The following NMNAT2 variants were observed in gnomAD, a reference collection of about 807,000 sequenced individuals.
NMNAT2 encodes the protein nicotinamide nucleotide adenylyltransferase 2, also known as nicotinamide/nicotinic acid mononucleotide adenylyltransferase 2.
In NMNAT2, 11 loss-of-function variants were observed where a neutral mutation model predicts 41.6. The ratio of observed to expected loss-of-function variants is 0.26; its 90% confidence interval spans 0.17 to 0.44. The LOEUF is 0.44. Ranked by LOEUF, NMNAT2 falls within the 20% of genes least tolerant of loss-of-function variation. The pLI, the probability that NMNAT2 is intolerant of heterozygous loss-of-function variation, is 1.00. For missense variants in NMNAT2, 288 were observed against 407.7 expected, an observed-to-expected ratio of 0.71 and a Z score of 2.53; for synonymous variants, 148 against 151.2, an observed-to-expected ratio of 0.98 and a Z score of 0.16.
chr1:183,371,882 C>T (rs1207107149), intron 1 of NMNAT2, among the ~76,000 whole-genome samples: 1 of 152,110 alleles, frequency 6.6e-6, no homozygotes, highest in Non-Finnish European at 1.5e-5. Flanking sequence ...TGGGCTCAAG[C>T]AATCCTTCTG....
intron 10 of NMNAT2, among the ~76,000 whole-genome samples, chr1:183,260,656 T>TA (rs1660633328): frequency 6.6e-6 from 1 of 151,846 alleles, no homozygotes; most frequent in Non-Finnish European, 1.5e-5. Context: ...CCATCTCTAC[T>TA]AAAAATACAA....
intron 1 of NMNAT2, among the ~76,000 whole-genome samples, chr1:183,375,622 C>T (rs554872249): frequency 2.0e-5 from 3 of 152,344 alleles, no homozygotes; most frequent in East Asian, 3.8e-4. Context: ...TCCCCTATCT[C>T]CTGGAAGAAG....
chr1:183,343,662 T>G (rs577097766), intron 1 of NMNAT2, among the ~76,000 whole-genome samples: 117 of 152,292 alleles, frequency 7.7e-4, no homozygotes, highest in South Asian at 1.9e-3. Flanking sequence ...TTGCTACCTC[T>G]CTCTCCTAGA....
At chr1:183,293,671 A>G (rs1433349069) in intron 2 of NMNAT2, 34 bp downstream of exon 2, 1 of 1,473,682 alleles carries the variant, frequency 6.8e-7, no homozygotes, top group East Asian at 2.3e-5. Context: ...GGGGACGGGG[A>G]TTGAAGAGGA....
intron 1 of NMNAT2, among the ~76,000 whole-genome samples, chr1:183,362,842 T>C (rs1015435821): frequency 1.3e-5 from 2 of 152,246 alleles, no homozygotes; most frequent in African/African-American, 4.8e-5. Flanking sequence ...AACTGACAGA[T>C]TATTTTCCAA....
At chr1:183,306,938 G>A (rs1333502269) in intron 1 of NMNAT2, among the ~76,000 whole-genome samples, 1 of 152,078 alleles carries the variant, frequency 6.6e-6, no homozygotes, top group Non-Finnish European at 1.5e-5. Context: ...ACAGTATAAG[G>A]AGTTTAGCAC....
At position 183,278,574 on chromosome 1, in the gene NMNAT2, T is replaced by A. The variant is rs1661185442; in HGVS notation, c.630A>T (p.Pro210=). The A allele has an allele frequency of 4.3e-6, 7 of 1,613,306 alleles. No homozygotes were observed. The highest frequency in any genetic ancestry group is 1.3e-5 in the African/African-American group (1 of 74,888). ...TCACATCTGCCTCGTTCCAGAGCCCTGGGATGCAGAAGGACTCCAGCAGGT... is the reference window on the plus strand; with the variant it reads ...TCACATCTGCCTCGTTCCAGAGCCCAGGGATGCAGAAGGACTCCAGCAGGT... ...GSDLLESFCI[P]GLWNEADMEV... is the part of the protein sequence containing the mutation. Residue 210 remains proline (P), a synonymous_variant, in exon 8 of 11, where the codon CCA becomes CCT. Transcript: ENST00000287713.
At chr1:183,348,278 G>A (rs1026817203) in intron 1 of NMNAT2, among the ~76,000 whole-genome samples, 12 of 151,972 alleles carry the variant, frequency 7.9e-5, no homozygotes, top group Admixed American at 1.3e-4. Context: ...CTGTGCGTGC[G>A]TGCACGTGTC....
chr1:183,387,239 G>GT (rs35560352), intron 1 of NMNAT2, among the ~76,000 whole-genome samples: 60,371 of 143,710 alleles, frequency 0.42, 13,015 homozygotes, highest in East Asian at 0.66. Flanking sequence ...AGATCCCTGT[G>GT]TTTTTTTTTT....
At position 183,288,557 on chromosome 1, in the gene NMNAT2, C is replaced by T. The variant is rs145897805; in HGVS notation, c.321+1571G>A. On this transcript the variant is annotated intron_variant, in intron 4 of 10. Coordinates refer to ENST00000287713, the MANE Select transcript of NMNAT2 (RefSeq NM_015039.4). Reference sequence around the variant, plus strand: ...TAACACAGGGAGAGTTCAGGAAGCCCGGGCATTTAGACATCAAATGATAGC... The same window carrying T: ...TAACACAGGGAGAGTTCAGGAAGCCTGGGCATTTAGACATCAAATGATAGC... Among the ~76,000 whole-genome samples the T allele has an allele frequency of 1.2e-4, 18 of 152,288 alleles. 1 individual carries two copies. In the South Asian group the frequency reaches 3.1e-3, roughly 26 times the overall value.
intron 8 of NMNAT2, among the ~76,000 whole-genome samples, chr1:183,274,369 T>C (rs192363754): frequency 1.3e-5 from 2 of 152,212 alleles, no homozygotes; most frequent in African/African-American, 2.4e-5. Flanking sequence ...TGGAGTGCAA[T>C]GGCACGATCT....
chr1:183,299,782 G>A (rs574031559), intron 1 of NMNAT2, among the ~76,000 whole-genome samples: 1 of 152,260 alleles, frequency 6.6e-6, no homozygotes, highest in Middle Eastern at 3.4e-3. Flanking sequence ...GTGGTAATGG[G>A]CTAGTTCTAT....
intron 1 of NMNAT2, among the ~76,000 whole-genome samples, chr1:183,334,468 G>A (rs1038158907): frequency 2.6e-5 from 4 of 151,796 alleles, no homozygotes; most frequent in African/African-American, 2.4e-5. Context: ...AGTCTGTGTC[G>A]CCACAGGGCC....
chr1:183,329,004 G>A (rs1662524724), intron 1 of NMNAT2, among the ~76,000 whole-genome samples: 1 of 152,152 alleles, frequency 6.6e-6, no homozygotes, highest in African/African-American at 2.4e-5. Flanking sequence ...GAGGAGCAGA[G>A]GTAGCAAGTC....
intron 1 of NMNAT2, among the ~76,000 whole-genome samples, chr1:183,322,904 G>A (rs1016987829): frequency 6.6e-6 from 1 of 152,036 alleles, no homozygotes; most frequent in African/African-American, 2.4e-5. Context: ...ACCTTGGCTG[G>A]CTCTCACAAA....
intron 1 of NMNAT2, among the ~76,000 whole-genome samples, chr1:183,299,583 G>A (rs1661793637): frequency 1.3e-5 from 2 of 151,840 alleles, no homozygotes; most frequent in Admixed American, 1.3e-4. Flanking sequence ...TTGGGAGGCT[G>A]AGGCAGGAGG....
At chr1:183,331,367 C>T (rs982946156) in intron 1 of NMNAT2, among the ~76,000 whole-genome samples, 1 of 151,990 alleles carries the variant, frequency 6.6e-6, no homozygotes, top group Non-Finnish European at 1.5e-5. Context: ...CGAGGCGAGG[C>T]GTGAAGGAGA....
chr1:183,328,124 A>T (rs1662508293), intron 1 of NMNAT2, among the ~76,000 whole-genome samples: 2 of 152,104 alleles, frequency 1.3e-5, no homozygotes, highest in South Asian at 4.1e-4. Flanking sequence ...CTCGGACCAC[A>T]CAGTATTGCA....
chr1:183,283,859 G>A (rs541260178), intron 7 of NMNAT2, 136 bp downstream of exon 7: 1 of 809,392 alleles, frequency 1.2e-6, no homozygotes, highest in Non-Finnish European at 2.1e-6. Flanking sequence ...GCCTGGGAAC[G>A]ATCCCTCTTC....
Sources: allele counts gnomAD v4.1 joint callset (sites outside exome capture counted in the v4.1 genomes callset), GRCh38; gene constraint gnomAD v4.1.1; transcripts MANE v1.5; gene names NCBI Gene and HGNC (gene_info 2026-07-23, HGNC 2026-07-21).